ZNF83: variants seen among roughly 807,000 people sequenced by gnomAD.
ZNF83 encodes the protein zinc finger protein 83.
For missense variants in ZNF83, 552 were observed against 629.9 expected (o/e 0.88, Z 1.32); for synonymous variants, 209 against 213.0 (o/e 0.98, Z 0.17).
At chr19:52,659,861 A>G (rs4530263) in intron 2 of ZNF83, among the ~76,000 whole-genome samples, 60,348 of 151,992 alleles carry the variant, frequency 0.4, 12,565 homozygotes, top group African/African-American at 0.49. Context: ...AAGAAGAGCT[A>G]ACTCTCACCC....
intron 1 of ZNF83, among the ~76,000 whole-genome samples, chr19:52,668,693 T>C (rs1372646316): frequency 6.6e-6 from 1 of 152,154 alleles, no homozygotes; most frequent in East Asian, 1.9e-4. Flanking sequence ...AAGATGTAAA[T>C]GCCTGGCTAA....
chr19:52,641,733 A>C (rs529495803), upstream of ZNF83, among the ~76,000 whole-genome samples: 93 of 152,218 alleles, frequency 6.1e-4, no homozygotes, highest in African/African-American at 2.1e-3. Flanking sequence ...AAAAGTATCT[A>C]ACAGGTCTCA....
At chr19:52,673,259 A>C (rs538811758) in intron 1 of ZNF83, among the ~76,000 whole-genome samples, 7 of 152,250 alleles carry the variant, frequency 4.6e-5, no homozygotes, top group Non-Finnish European at 8.8e-5. Flanking sequence ...GAATCCCAGC[A>C]CTTTGGGAGC....
chr19:52,681,307 C>T (rs1430474425), intron 1 of ZNF83, among the ~76,000 whole-genome samples: 3 of 89,560 alleles, frequency 3.3e-5, no homozygotes, highest in East Asian at 2.7e-4. Flanking sequence ...AAAAAGCAAA[C>T]GAACATAGAG....
chr19:52,642,643 C>T (rs1431085947), upstream of ZNF83, among the ~76,000 whole-genome samples: 1 of 152,130 alleles, frequency 6.6e-6, no homozygotes, highest in Non-Finnish European at 1.5e-5. Flanking sequence ...ATTTTTCTTT[C>T]ACCAGCTTGT....
chr19:52,634,129 G>A (rs368657983), intron 2 of ZNF83, among the ~76,000 whole-genome samples: 15 of 151,756 alleles, frequency 9.9e-5, no homozygotes, highest in African/African-American at 3.4e-4. Context: ...AAGATTAGCC[G>A]GGTGTGGTGG....
rs10711325 is a variant in ZNF83 at position 52,645,802 on chromosome 19, G to GCC, written c.-74+9757_-74+9758dup. On this transcript the variant is annotated intron_variant, in intron 3 of 5. Transcript: ENST00000594682. ...AGTGTGGGTGACTGAGTGAGATTCT[G>GCC]CCCCCCCCCAAAAAAAGGATAAAGA... is the stretch of plus-strand genomic sequence containing the variant. Among the ~76,000 whole-genome samples, 399 of 147,160 alleles carry GCC rather than the reference G, an allele frequency of 2.7e-3. 4 individuals are homozygous for GCC. The South Asian group carries it at 0.031, about 12-fold the overall frequency.
intron 1 of ZNF83, among the ~76,000 whole-genome samples, chr19:52,681,379 A>G (rs2061917646): frequency 6.6e-6 from 1 of 152,088 alleles, no homozygotes; most frequent in African/African-American, 2.4e-5. Context: ...ATGAGCTGAA[A>G]TACAAGTGGT....
At chr19:52,642,419 C>T (rs1449083950), upstream of ZNF83, among the ~76,000 whole-genome samples, 1 of 151,766 alleles carries the variant, frequency 6.6e-6, no homozygotes, top group Admixed American at 6.6e-5. Flanking sequence ...TAGGCAGGCA[C>T]CACCACGCCT....
At chr19:52,629,567 G>C (rs181604257) in intron 2 of ZNF83, among the ~76,000 whole-genome samples, 2,161 of 152,138 alleles carry the variant, frequency 0.014, 52 homozygotes, top group African/African-American at 0.047. Context: ...GTTTTGTTCC[G>C]TGACTAGCCC....
At chr19:52,676,536 TGGGA>T (rs1353532794) in intron 1 of ZNF83, among the ~76,000 whole-genome samples, 2 of 144,956 alleles carry the variant, frequency 1.4e-5, no homozygotes, top group African/African-American at 5.1e-5. Flanking sequence ...CCGCCCCGTC[TGGGA>T]GGGAGGTGGG....
At chr19:52,661,496 G>A (rs2061579780) in intron 1 of ZNF83, among the ~76,000 whole-genome samples, 2 of 152,184 alleles carry the variant, frequency 1.3e-5, no homozygotes, top group Admixed American at 1.3e-4. Context: ...CTGCCTTGAT[G>A]TTCAATGCTG....
chr19:52,613,472 T>C (rs1382114314), exon 3 of ZNF83: 3 of 1,613,930 alleles, frequency 1.9e-6, no homozygotes, highest in Middle Eastern at 1.6e-4. Context: ...GCATGAATTA[T>C]CAGATGTTGG....
intron 2 of ZNF83, among the ~76,000 whole-genome samples, chr19:52,620,248 GTA>G (rs2060487550): frequency 7.4e-6 from 1 of 134,646 alleles, no homozygotes; most frequent in African/African-American, 2.7e-5. Flanking sequence ...ATATGTGTGT[GTA>G]TATCTGTGTG....
exon 3 of ZNF83, chr19:52,612,817 C>A: frequency 2.1e-6 from 1 of 474,402 alleles, no homozygotes; most frequent in Non-Finnish European, 3.7e-6. Context: ...GAATCCTGGT[C>A]TCAGATTTTA....
intron 1 of ZNF83, among the ~76,000 whole-genome samples, chr19:52,666,495 C>T (rs533550830): frequency 4.6e-5 from 7 of 152,008 alleles, no homozygotes; most frequent in South Asian, 4.2e-4. Context: ...CAGTAAACCG[C>T]GGATGGCCCA....
intron 3 of ZNF83, chr19:52,652,413 C>T (rs1176635722): frequency 5.5e-6 from 2 of 364,190 alleles, no homozygotes; most frequent in Admixed American, 3.6e-5. Flanking sequence ...CCAGCCTGGA[C>T]AAAAGAGTAA....
intron 1 of ZNF83, among the ~76,000 whole-genome samples, chr19:52,687,214 G>A (rs1174646846): frequency 1.4e-5 from 2 of 147,920 alleles, no homozygotes; most frequent in Admixed American, 6.9e-5. Context: ...TGTAGGCCAG[G>A]CGCAGTGCCT....
At chr19:52,637,384 C>T (rs1159669485) in intron 1 of ZNF83, among the ~76,000 whole-genome samples, 3 of 152,084 alleles carry the variant, frequency 2.0e-5, no homozygotes, top group Non-Finnish European at 2.9e-5. Flanking sequence ...GCTCTGTCTG[C>T]CCTGGCTCCA....
Sources: gnomAD v4.1 joint callset for allele counts (sites outside exome capture counted in the v4.1 genomes callset) on GRCh38, gnomAD v4.1.1 for gene constraint, MANE v1.5 for transcripts, NCBI Gene and HGNC (gene_info 2026-07-23, HGNC 2026-07-21) for gene names.